Variants in IQCJ observed in about 807,000 individuals in gnomAD.
IQCJ encodes IQ motif containing J.
In IQCJ, 9 loss-of-function variants were observed where a neutral mutation model predicts 11.0. That is an observed-to-expected ratio of 0.82 (90% CI 0.49 to 1.43). The LOEUF is 1.43. Among genes scored for constraint, IQCJ ranks in the 40% most tolerant of loss-of-function variants. The pLI is 0.00. For missense variants in IQCJ, 146 were observed against 133.2 expected, an observed-to-expected ratio of 1.10 and a Z score of -0.47; for synonymous variants, 55 against 51.3, an observed-to-expected ratio of 1.07 and a Z score of -0.31.
chr3:159,075,084 T>C (rs879550415), intron 1 of IQCJ, among the ~76,000 whole-genome samples: 2 of 152,120 alleles, frequency 1.3e-5, no homozygotes, highest in Non-Finnish European at 2.9e-5. Context: ...TGACACATAA[T>C]TAAAAACTCA....
At chr3:159,261,685 C>A (rs190042909) in intron 3 of IQCJ, among the ~76,000 whole-genome samples, 45 of 152,294 alleles carry the variant, frequency 3.0e-4, no homozygotes, top group African/African-American at 1.1e-3. Flanking sequence ...GGTATTTCTT[C>A]ATAGCAGCAT....
At chr3:159,163,499 T>G (rs1298665158) in intron 1 of IQCJ, among the ~76,000 whole-genome samples, 1 of 152,080 alleles carries the variant, frequency 6.6e-6, no homozygotes, top group African/African-American at 2.4e-5. Flanking sequence ...AAGCATTCCC[T>G]TTGAAAACTG....
intron 1 of IQCJ, among the ~76,000 whole-genome samples, chr3:159,203,445 GC>G (rs1724466359): frequency 6.6e-6 from 1 of 151,374 alleles, no homozygotes; most frequent in South Asian, 2.1e-4. Flanking sequence ...TGACAGCATG[GC>G]CACAAACATC....
At chr3:159,095,512 C>G (rs1453377312) in intron 1 of IQCJ, among the ~76,000 whole-genome samples, 2 of 113,876 alleles carry the variant, frequency 1.8e-5, no homozygotes, top group African/African-American at 7.0e-5. Context: ...TATCCCTCCC[C>G]CCTCCCCCGA....
At chr3:159,244,894 G>A (rs1727155533) in intron 1 of IQCJ, among the ~76,000 whole-genome samples, 1 of 152,136 alleles carries the variant, frequency 6.6e-6, no homozygotes, top group African/African-American at 2.4e-5. Flanking sequence ...TTTCTGGTGG[G>A]GGGTAAGTGG....
intron 1 of IQCJ, among the ~76,000 whole-genome samples, chr3:159,185,958 A>T (rs1427114525): frequency 6.6e-6 from 1 of 152,242 alleles, no homozygotes; most frequent in African/African-American, 2.4e-5. Flanking sequence ...CATTTTTAAC[A>T]GAAGGGGAAT....
chr3:159,235,708 T>C (rs993993882), intron 1 of IQCJ, among the ~76,000 whole-genome samples: 8 of 152,300 alleles, frequency 5.3e-5, no homozygotes, highest in Admixed American at 5.2e-4. Flanking sequence ...CAGTCCAAAT[T>C]AGGTTTGTAC....
intron 1 of IQCJ, among the ~76,000 whole-genome samples, chr3:159,140,517 T>A (rs1720540527): frequency 6.6e-6 from 1 of 152,282 alleles, no homozygotes; most frequent in Middle Eastern, 3.4e-3. Context: ...CGTTATAAAT[T>A]TTGTGCTAGT....
chr3:159,265,488 C>A (rs1448790701), downstream of IQCJ: 2 of 1,063,822 alleles, frequency 1.9e-6, no homozygotes, highest in Non-Finnish European at 2.7e-6. Flanking sequence ...CTTCCTCTAA[C>A]AACCATGAGT....
At chr3:159,253,243 T>G (rs1232078356) in intron 3 of IQCJ, among the ~76,000 whole-genome samples, 5 of 151,992 alleles carry the variant, frequency 3.3e-5, no homozygotes, top group African/African-American at 1.2e-4. Context: ...GGAAAATGTT[T>G]CTTCTCTTCT....
intron 1 of IQCJ, among the ~76,000 whole-genome samples, chr3:159,175,481 A>C (rs1241359334): frequency 6.6e-6 from 1 of 152,074 alleles, no homozygotes; most frequent in Non-Finnish European, 1.5e-5. Context: ...AAACAAAACA[A>C]AACAAAACAA....
Position 159,208,152 on chromosome 3 carries a change from G to A in IQCJ, c.10-37691G>A, listed in dbSNP as rs562699490. Reference sequence around the variant, plus strand: ...TTCAGTGTGAAAGAGTCCTTTGTTAGTGCCTCTGGGGAGCTCCTGACAGAT... The same window carrying A: ...TTCAGTGTGAAAGAGTCCTTTGTTAATGCCTCTGGGGAGCTCCTGACAGAT... On this transcript the variant is annotated intron_variant, in intron 1 of 3. Transcript: ENST00000397832. Among the ~76,000 whole-genome samples, 5 of 152,332 alleles carry A rather than the reference G, an allele frequency of 3.3e-5. No individual in the cohort carries two copies. The East Asian group carries it at 9.7e-4, about 29-fold the overall frequency.
intron 1 of IQCJ, among the ~76,000 whole-genome samples, chr3:159,197,300 GCTT>G (rs1724044094): frequency 6.6e-6 from 1 of 152,142 alleles, no homozygotes; most frequent in African/African-American, 2.4e-5. Context: ...TATTGATTCT[GCTT>G]CTTCAAAATT....
At chr3:159,191,644 A>G (rs1046782274) in intron 1 of IQCJ, among the ~76,000 whole-genome samples, 7 of 152,204 alleles carry the variant, frequency 4.6e-5, no homozygotes, top group African/African-American at 1.2e-4. Flanking sequence ...TTGAGAAATA[A>G]TAACACTGCA....
intron 1 of IQCJ, among the ~76,000 whole-genome samples, chr3:159,082,607 T>C (rs1306131644): frequency 6.6e-6 from 1 of 152,110 alleles, no homozygotes; most frequent in South Asian, 2.1e-4. Flanking sequence ...TTGTGTGTCC[T>C]GTGTGGCTGA....
chr3:159,092,317 C>G (rs912689948), intron 1 of IQCJ, among the ~76,000 whole-genome samples: 4 of 151,808 alleles, frequency 2.6e-5, no homozygotes, highest in South Asian at 2.1e-4. Context: ...TAGCTATGGA[C>G]AGACCAAACA....
intron 1 of IQCJ, among the ~76,000 whole-genome samples, chr3:159,078,017 C>G (rs541070972): frequency 1.8e-4 from 26 of 144,366 alleles, no homozygotes; most frequent in Non-Finnish European, 1.6e-4. Flanking sequence ...CCAGGGAGCA[C>G]AGACCAAAAT....
At chr3:159,156,738 C>A (rs1182920692) in intron 1 of IQCJ, among the ~76,000 whole-genome samples, 2 of 151,994 alleles carry the variant, frequency 1.3e-5, no homozygotes, top group Non-Finnish European at 2.9e-5. Context: ...TTTTGCATAC[C>A]CTTAAGTTCA....
intron 1 of IQCJ, among the ~76,000 whole-genome samples, chr3:159,142,717 C>G (rs1029352974): frequency 2.0e-5 from 3 of 151,686 alleles, no homozygotes; most frequent in African/African-American, 4.8e-5. Flanking sequence ...CGTACCCAGC[C>G]CGGGGGCAGG....
Sources: allele counts gnomAD v4.1 joint callset (sites outside exome capture counted in the v4.1 genomes callset), GRCh38; gene constraint gnomAD v4.1.1; transcripts MANE v1.5; gene names NCBI Gene and HGNC (gene_info 2026-07-23, HGNC 2026-07-21).